The following EBF3 variants were observed in gnomAD, a reference collection of about 807,000 sequenced individuals.
EBF3 encodes EBF transcription factor 3.
In EBF3, 18 loss-of-function variants were observed where a neutral mutation model predicts 77.1. The observed-to-expected ratio is 0.23, with a 90% confidence interval of 0.16 to 0.35. The LOEUF (loss-of-function observed/expected upper bound fraction) is 0.35. Ranked by LOEUF, EBF3 falls within the 10% of genes least tolerant of loss-of-function variation. EBF3 has a pLI of 1.00. For missense variants in EBF3, 558 were observed against 860.0 expected, an observed-to-expected ratio of 0.65 and a Z score of 4.39; for synonymous variants, 350 against 343.5, an observed-to-expected ratio of 1.02 and a Z score of -0.21.
intron 6 of EBF3, among the ~76,000 whole-genome samples, chr10:129,931,881 C>T (rs1564901602): frequency 6.6e-6 from 1 of 152,146 alleles, no homozygotes; most frequent in Non-Finnish European, 1.5e-5. Context: ...TCTGGAGTGC[C>T]CTGGGGTCCT....
intron 11 of EBF3, among the ~76,000 whole-genome samples, chr10:129,846,226 T>G (rs990348300): frequency 6.6e-6 from 1 of 151,352 alleles, no homozygotes; most frequent in African/African-American, 2.4e-5. Flanking sequence ...GGAGGTAAAC[T>G]TCAATTCAAG....
chr10:129,843,918 G>GCCTA (rs1303152297), intron 11 of EBF3, among the ~76,000 whole-genome samples: 1 of 152,220 alleles, frequency 6.6e-6, no homozygotes, highest in East Asian at 1.9e-4. Context: ...ACGTCTGCAC[G>GCCTA]CCTACCTCCA....
intron 6 of EBF3, among the ~76,000 whole-genome samples, chr10:129,953,106 G>A (rs1481042336): frequency 2.0e-5 from 3 of 151,454 alleles, no homozygotes; most frequent in African/African-American, 4.9e-5. Flanking sequence ...ATCTCCAATC[G>A]TTGGGCTACC....
chr10:129,898,881 C>A (rs913261327), intron 6 of EBF3, among the ~76,000 whole-genome samples: 5 of 152,236 alleles, frequency 3.3e-5, no homozygotes, highest in African/African-American at 1.2e-4. Flanking sequence ...GCCCGGCCCG[C>A]GGCCGGCGTC....
chr10:129,850,990 G>A (rs986899712), intron 10 of EBF3, among the ~76,000 whole-genome samples: 1 of 152,206 alleles, frequency 6.6e-6, no homozygotes, highest in Non-Finnish European at 1.5e-5. Flanking sequence ...CCAGGGCAAG[G>A]CGCTGGCACG....
At chr10:129,865,139 A>T (rs2134064854) in intron 10 of EBF3, among the ~76,000 whole-genome samples, 1 of 152,282 alleles carries the variant, frequency 6.6e-6, no homozygotes, top group South Asian at 2.1e-4. Flanking sequence ...CACAGGAGGC[A>T]TGTGGAAATG....
At chr10:129,858,105 C>T (rs1289777627) in intron 10 of EBF3, among the ~76,000 whole-genome samples, 1 of 152,216 alleles carries the variant, frequency 6.6e-6, no homozygotes, top group Admixed American at 6.5e-5. Flanking sequence ...TATCATGGTG[C>T]CACAGCAAAG....
intron 6 of EBF3, among the ~76,000 whole-genome samples, chr10:129,910,652 T>TC (rs1296642718): frequency 6.6e-6 from 1 of 151,978 alleles, no homozygotes; most frequent in African/African-American, 2.4e-5. Flanking sequence ...CTGCTGTGGG[T>TC]CCCCCCTTCT....
chr10:129,888,618 C>A (rs572481660), intron 6 of EBF3, among the ~76,000 whole-genome samples: 68 of 152,318 alleles, frequency 4.5e-4, no homozygotes, highest in African/African-American at 1.5e-3. Flanking sequence ...CGGGTCCCGG[C>A]CGCGGTGGGA....
intron 6 of EBF3, among the ~76,000 whole-genome samples, chr10:129,932,381 G>A (rs1406934418): frequency 1.3e-5 from 2 of 152,218 alleles, no homozygotes; most frequent in African/African-American, 4.8e-5. Context: ...CTTGGCATGT[G>A]GCAAAGGGTG....
rs1429899257 is a variant in EBF3, at chr10:129,885,593, C to CCTATTT, written c.555-7750_555-7745dup. ...TGCCTATCTTTCTTTCCCCCCTTTA[C>CCTATTT]CTATTTCTCTATTTCTAATGGGCAA... On this transcript the variant is annotated intron_variant, in intron 6 of 16. Transcript: ENST00000440978. This position sits in a 1 kb window ranked among gnomAD's most constrained non-coding sequence, Gnocchi z 4.0. 6.6e-6 allele frequency among the ~76,000 whole-genome samples: 1 copy of CCTATTT among 152,128 alleles called. No homozygotes were observed. The highest frequency in any genetic ancestry group is 1.5e-5 in the Non-Finnish European group (1 of 68,018).
Position 129,901,037 on chromosome 10 carries a change from GGTAA to G in EBF3, c.555-23192_555-23189del, listed in dbSNP as rs113115583. 2.2e-3 allele frequency among the ~76,000 whole-genome samples: 329 copies of G among 152,332 alleles called. 4 individuals are homozygous for G. The highest frequency in any genetic ancestry group is 6.9e-3 in the African/African-American group (285 of 41,572). ...GGTTCCATGCATAATTCTTTGGGCT[GGTAA>G]GTCTTTTTCTGGCACGCCCTCTGAT... On this transcript the variant is annotated intron_variant, in intron 6 of 16. Transcript: ENST00000440978.
intron 6 of EBF3, among the ~76,000 whole-genome samples, chr10:129,953,662 C>T (rs1254297716): frequency 4.6e-5 from 7 of 152,220 alleles, no homozygotes; most frequent in South Asian, 2.1e-4. Flanking sequence ...TGCGTGTGCC[C>T]GGCCTGCCTG....
rs142165671 is a variant in EBF3, at chr10:129,867,142, G to C, written c.1038C>G (p.Thr346=). The change falls in exon 10 of 17, where the codon ACC becomes ACG. Residue 346 remains threonine, a splice_region_variant and synonymous_variant. Coordinates refer to ENST00000440978, the MANE Select transcript of EBF3 (RefSeq NM_001375380.1). ...CKGAPGRFVY[T]ALNEPTIDYG... Reference sequence around the variant, plus strand: ...CAGAAGCTGGAGCTGTGAACTCACCGGTGTAGACAAAGCGCCCAGGAGCAC... The same window carrying C: ...CAGAAGCTGGAGCTGTGAACTCACCCGTGTAGACAAAGCGCCCAGGAGCAC... The C allele has an allele frequency of 1.5e-3, 2,491 of 1,613,430 alleles. No individual in the cohort carries two copies. Among genetic ancestry groups the C allele is most frequent in the Non-Finnish European group, 1.9e-3 (2,300 of 1,179,820 alleles).
At chr10:129,919,290 A>T (rs890816829) in intron 6 of EBF3, among the ~76,000 whole-genome samples, 6 of 152,122 alleles carry the variant, frequency 3.9e-5, no homozygotes, top group African/African-American at 1.4e-4. Context: ...TGACAAGCAG[A>T]TACGGAGGGA....
rs542226602 is a variant in EBF3 at position 129,858,548 on chromosome 10, A to C, written c.1039+8593T>G. On this transcript the variant is annotated intron_variant, in intron 10 of 16. Coordinates refer to ENST00000440978, the MANE Select transcript of EBF3 (RefSeq NM_001375380.1). Reference sequence around the variant, plus strand: ...GTCTTCCGAACTAGGGCTAGAAGGGATGGCCATCAACAAGCATCTGACTGA... The same window carrying C: ...GTCTTCCGAACTAGGGCTAGAAGGGCTGGCCATCAACAAGCATCTGACTGA... Among the ~76,000 whole-genome samples the C allele has an allele frequency of 2.0e-4, 30 of 152,208 alleles. No individual in the cohort carries two copies. In the South Asian group the frequency reaches 6.0e-3, roughly 31 times the overall value.
At chr10:129,917,946 C>G (rs192040833) in intron 6 of EBF3, among the ~76,000 whole-genome samples, 1 of 152,292 alleles carries the variant, frequency 6.6e-6, no homozygotes, top group African/African-American at 2.4e-5. Context: ...AACTGTCCTA[C>G]CAGAGGACCC....
At chr10:129,962,516 T>C (rs983286911) in intron 3 of EBF3, among the ~76,000 whole-genome samples, 2 of 151,886 alleles carry the variant, frequency 1.3e-5, no homozygotes, top group African/African-American at 4.8e-5. Context: ...CATGTGGTCG[T>C]TTATTTTTAG....
At chr10:129,918,802 G>A (rs547484231) in intron 6 of EBF3, among the ~76,000 whole-genome samples, 74 of 152,348 alleles carry the variant, frequency 4.9e-4, no homozygotes, top group African/African-American at 1.4e-3. Context: ...GGAATCAGGG[G>A]AGACTCTTGG....
Sources: allele counts gnomAD v4.1 joint callset (sites outside exome capture counted in the v4.1 genomes callset), GRCh38; gene constraint gnomAD v4.1.1; non-coding constraint Gnocchi (gnomAD v3.1); transcripts MANE v1.5; gene names NCBI Gene and HGNC (gene_info 2026-07-23, HGNC 2026-07-21).